Variants in SCIN observed in about 807,000 individuals in gnomAD.
SCIN encodes adseverin.
SCIN carries 91 observed loss-of-function variants against 91.8 expected under a neutral mutation model. That is an observed-to-expected ratio of 0.99 (90% CI 0.84 to 1.18). The LOEUF is 1.18. SCIN is among the 50% of genes most tolerant of loss of function. The probability of loss-of-function intolerance (pLI) is 0.00; values close to 1 mark genes in which losing one functional copy is unlikely to be tolerated. For missense variants in SCIN, 1,087 were observed against 863.9 expected, an observed-to-expected ratio of 1.26 and a Z score of -3.24; for synonymous variants, 367 against 312.6, an observed-to-expected ratio of 1.17 and a Z score of -1.84.
At chr7:12,596,357 A>G in intron 3 of SCIN, 1 of 456,108 alleles carries the variant, frequency 2.2e-6, no homozygotes, top group South Asian at 1.5e-5. Flanking sequence ...TCTGCGTTTA[A>G]TTAAGTGCAA....
At chr7:12,605,610 C>T (rs549783507) in intron 4 of SCIN, among the ~76,000 whole-genome samples, 21 of 152,044 alleles carry the variant, frequency 1.4e-4, no homozygotes, top group African/African-American at 2.9e-4. Flanking sequence ...AATAATTTTG[C>T]GCATGAAACA....
At chr7:12,612,246 A>C (rs1490261136) in intron 4 of SCIN, among the ~76,000 whole-genome samples, 1 of 152,182 alleles carries the variant, frequency 6.6e-6, no homozygotes, top group African/African-American at 2.4e-5. Context: ...ACACATAGGC[A>C]CTGCTCATCA....
At chr7:12,647,855 G>A (rs562809741) in intron 13 of SCIN, among the ~76,000 whole-genome samples, 5 of 152,206 alleles carry the variant, frequency 3.3e-5, no homozygotes, top group African/African-American at 4.8e-5. Flanking sequence ...TATGCTGGGC[G>A]CATGTTTTGA....
At chr7:12,577,875 T>A in intron 1 of SCIN, 189 bp from the exon 2 acceptor site, 3 of 545,314 alleles carry the variant, frequency 5.5e-6, no homozygotes, top group Non-Finnish European at 9.3e-6. Context: ...AAAAATAGAC[T>A]AAAAAAATTG....
chr7:12,591,270 T>C (rs1650743100), intron 3 of SCIN, among the ~76,000 whole-genome samples: 1 of 152,142 alleles, frequency 6.6e-6, no homozygotes, highest in African/African-American at 2.4e-5. Flanking sequence ...AATTGAATCC[T>C]GGAAGGAGGA....
chr7:12,625,373 A>G (rs1583307141), intron 6 of SCIN, among the ~76,000 whole-genome samples: 1 of 151,942 alleles, frequency 6.6e-6, no homozygotes, highest in East Asian at 1.9e-4. Flanking sequence ...TGTTTTACAA[A>G]TAACGTTTTT....
chr7:12,635,611 CAAAAAAAAAAAAAAAAAA>C (rs59324421), intron 9 of SCIN, among the ~76,000 whole-genome samples: 6 of 5,850 alleles, frequency 1.0e-3, no homozygotes, highest in Admixed American at 8.5e-3. Flanking sequence ...GACTCCGTCT[CAAAAAAAAAAAAAAAAAA>C]AAAAAAAAAA....
At chr7:12,601,251 G>A (rs1399256559) in intron 3 of SCIN, among the ~76,000 whole-genome samples, 4 of 152,140 alleles carry the variant, frequency 2.6e-5, no homozygotes, top group Non-Finnish European at 4.4e-5. Flanking sequence ...GTTCAGAATG[G>A]TGCTTCCAGT....
At chr7:12,636,920 A>T (rs1382225989) in intron 10 of SCIN, among the ~76,000 whole-genome samples, 34 of 88,478 alleles carry the variant, frequency 3.8e-4, no homozygotes, top group Admixed American at 2.9e-3. Flanking sequence ...AAATAAAATT[A>T]AAAAAAAAGA....
At chr7:12,644,543 T>G in intron 12 of SCIN, 41 bp from the exon 13 acceptor site, 1 of 1,605,284 alleles carries the variant, frequency 6.2e-7, no homozygotes, top group Non-Finnish European at 8.5e-7. Flanking sequence ...CAAGCATATG[T>G]CCCTGAAAAT....
rs1198959496 is a variant in SCIN at position 12,640,343 on chromosome 7, T to C, written c.1411-4T>C. The stretch of plus-strand genomic sequence containing the variant: ...TTTCTTTTATTCCCCCTCTCCCCCA[T>C]CAGATCCGAGTCTCCCAAGGCAAAG... On this transcript the variant is annotated splice_polypyrimidine_tract_variant and splice_region_variant and intron_variant, in intron 10 of 15. Coordinates refer to ENST00000297029, the MANE Select transcript of SCIN (RefSeq NM_001112706.3). 2 of 1,578,110 alleles carry C rather than the reference T, an allele frequency of 1.3e-6. No individual in the cohort carries two copies. Among genetic ancestry groups the C allele is most frequent in the East Asian group, 4.7e-5 (2 of 42,342 alleles).
At position 12,655,170 on chromosome 7, in the gene SCIN, C is replaced by G. The variant is rs570215329; in HGVS notation, c.*2455C>G. ...CTTATAATACCTAATACAGTGTAAA[C>G]GCTGTGTAAACAGTTGTTATACTAT... On this transcript the variant is annotated 3_prime_UTR_variant, in exon 16 of 16. Coordinates refer to ENST00000297029, the MANE Select transcript of SCIN (RefSeq NM_001112706.3). 3 of 152,138 alleles carry G rather than the reference C, an allele frequency of 2.0e-5. No individual in the cohort carries two copies. The highest frequency in any genetic ancestry group is 6.5e-5 in the Admixed American group (1 of 15,270). 9.4% of individuals were successfully genotyped at this position (152,138 alleles called of 1,614,324 possible).
At chr7:12,576,458 T>C (rs1458934939) in intron 1 of SCIN, among the ~76,000 whole-genome samples, 1 of 152,178 alleles carries the variant, frequency 6.6e-6, no homozygotes, top group African/African-American at 2.4e-5. Context: ...TGATTCTTTC[T>C]TTAATACAAC....
intron 4 of SCIN, among the ~76,000 whole-genome samples, chr7:12,604,987 A>G (rs561901723): frequency 7.9e-5 from 12 of 151,204 alleles, no homozygotes; most frequent in African/African-American, 2.9e-4. Flanking sequence ...TTTTGGAAGG[A>G]AGACAATATT....
intron 4 of SCIN, among the ~76,000 whole-genome samples, chr7:12,616,987 G>A (rs748405806): frequency 3.6e-4 from 54 of 152,112 alleles, no homozygotes; most frequent in Non-Finnish European, 5.9e-4. Context: ...ATAAGATTTT[G>A]ACAAAGGTAC....
intron 9 of SCIN, among the ~76,000 whole-genome samples, chr7:12,635,611 CAAAAAAAAAAAA>C (rs59324421): frequency 2.4e-3 from 14 of 5,856 alleles, no homozygotes; most frequent in Non-Finnish European, 4.5e-3. Context: ...GACTCCGTCT[CAAAAAAAAAAAA>C]AAAAAAAAAA....
intron 13 of SCIN, among the ~76,000 whole-genome samples, chr7:12,648,295 CTTTTT>C (rs35618552): frequency 7.5e-6 from 1 of 133,622 alleles, no homozygotes. Flanking sequence ...CTCTCTCTCT[CTTTTT>C]TTTTTTTTTT....
intron 4 of SCIN, among the ~76,000 whole-genome samples, chr7:12,617,582 C>T (rs1562617925): frequency 6.6e-6 from 1 of 152,118 alleles, no homozygotes; most frequent in African/African-American, 2.4e-5. Flanking sequence ...CAGAGCAGCT[C>T]TCAGACCACC....
Position 12,636,108 on chromosome 7 carries a change from T to C in SCIN, c.1383T>C (p.Asp461=). 6.2e-7 allele frequency: 1 copy of C among 1,613,118 alleles called. No individual in the cohort carries two copies. The highest frequency in any genetic ancestry group is 8.5e-7 in the Non-Finnish European group (1 of 1,179,648). Residue 461 remains aspartate (D), a synonymous_variant, in exon 10 of 16, where the codon GAT becomes GAC. Coordinates refer to ENST00000297029, the MANE Select transcript of SCIN (RefSeq NM_001112706.3). The part of the protein sequence containing the change: ...TTSAFLTVQL[D]RSLGGQAVQI... ...CTGCGTTCCTGACTGTTCAGTTGGA[T>C]CGGTCCCTTGGAGGACAGGCTGTGC...
Sources: allele counts gnomAD v4.1 joint callset (sites outside exome capture counted in the v4.1 genomes callset), GRCh38; gene constraint gnomAD v4.1.1; transcripts MANE v1.5; gene names NCBI Gene and HGNC (gene_info 2026-07-23, HGNC 2026-07-21).